FAM185A: variants seen among roughly 807,000 people sequenced by gnomAD.
FAM185A encodes family with sequence similarity 185 member A.
A neutral mutation model predicts 45.7 loss-of-function variants in FAM185A; 21 were observed. That is an observed-to-expected ratio of 0.46 (90% confidence interval 0.33 to 0.66). The LOEUF (loss-of-function observed/expected upper bound fraction) is 0.66, where lower values mean the gene tolerates loss of function less well. Among genes scored for constraint, FAM185A ranks in the 30% least tolerant of loss-of-function variants. FAM185A has a pLI of 0.03. For missense variants in FAM185A, 305 were observed against 485.4 expected (o/e 0.63, Z 3.49); for synonymous variants, 117 against 194.0 (o/e 0.60, Z 3.30).
intron 7 of FAM185A, among the ~76,000 whole-genome samples, chr7:102,796,452 G>A (rs1250793550): frequency 6.6e-6 from 1 of 152,230 alleles, no homozygotes; most frequent in Non-Finnish European, 1.5e-5. Flanking sequence ...GTCCCCAGGC[G>A]GGAATGGGGT....
chr7:102,791,570 G>A (rs1362475593), intron 7 of FAM185A, among the ~76,000 whole-genome samples: 3 of 152,222 alleles, frequency 2.0e-5, no homozygotes, highest in East Asian at 1.9e-4. Flanking sequence ...GGGCCAAATC[G>A]CAGAATGATG....
rs976821586 is a variant in FAM185A at position 102,808,581 on chromosome 7, G to A, written c.*179G>A. On this transcript the variant is annotated 3_prime_UTR_variant, in exon 8 of 8. Coordinates refer to ENST00000413034, the MANE Select transcript of FAM185A (RefSeq NM_001145268.2). ...TTTGCTATTGTATTCATTTTCTACT[G>A]CTCTGTAACAAATTACCACAAATTT... The A allele has an allele frequency of 5.1e-5, 29 of 569,762 alleles. No homozygotes were observed. The highest frequency in any genetic ancestry group is 4.6e-4 in the Middle Eastern group (1 of 2,166). The allele number at this position is 569,762 out of a possible 1,614,324, so 35.3% of individuals were successfully genotyped here. A position where few individuals can be genotyped will look rare whatever the true frequency, so the allele number is the denominator to read the frequency against.
intron 7 of FAM185A, among the ~76,000 whole-genome samples, chr7:102,789,962 G>T (rs1453897105): frequency 2.6e-5 from 4 of 152,062 alleles, no homozygotes; most frequent in Non-Finnish European, 5.9e-5. Flanking sequence ...TCCACATCTT[G>T]TCCCACTGAA....
At chr7:102,828,755 T>C in the FAM185A span, among the ~76,000 whole-genome samples, 2 of 152,228 alleles carry the variant, frequency 1.3e-5, no homozygotes, top group South Asian at 4.1e-4. Context: ...CATATTAGTA[T>C]AAGAGAAATT....
chr7:102,752,100 A>G (rs1793398619), intron 2 of FAM185A, among the ~76,000 whole-genome samples: 1 of 151,998 alleles, frequency 6.6e-6, no homozygotes, highest in South Asian at 2.1e-4. Flanking sequence ...GTTTCCACAA[A>G]TGATTTTCTT....
the FAM185A span, among the ~76,000 whole-genome samples, chr7:102,826,508 G>A: frequency 1.3e-5 from 2 of 151,422 alleles, no homozygotes; most frequent in African/African-American, 4.9e-5. Flanking sequence ...GGCTGAGGCA[G>A]GTGGATCACT....
intron 4 of FAM185A, among the ~76,000 whole-genome samples, chr7:102,765,751 A>G (rs1207410244): frequency 6.6e-6 from 1 of 151,924 alleles, no homozygotes; most frequent in Non-Finnish European, 1.5e-5. Flanking sequence ...TGGTTGAATC[A>G]CATCTGTTAA....
downstream of FAM185A, among the ~76,000 whole-genome samples, chr7:102,810,360 G>A (rs1403700119): frequency 6.6e-6 from 1 of 151,842 alleles, no homozygotes; most frequent in Non-Finnish European, 1.5e-5. Flanking sequence ...AGCCACCACA[G>A]TAGCTAGCAT....
At chr7:102,763,242 A>T (rs188174661) in intron 4 of FAM185A, among the ~76,000 whole-genome samples, 9 of 152,314 alleles carry the variant, frequency 5.9e-5, no homozygotes, top group Non-Finnish European at 4.4e-5. Context: ...AGTAGCTAAA[A>T]TGGAAATACA....
chr7:102,809,766 C>T (rs1472174171), downstream of FAM185A, among the ~76,000 whole-genome samples: 1 of 152,066 alleles, frequency 6.6e-6, no homozygotes, highest in African/African-American at 2.4e-5. Flanking sequence ...AAGACCAGAC[C>T]TATCTCTTGG....
chr7:102,825,901 A>G, the FAM185A span, among the ~76,000 whole-genome samples: 45 of 152,226 alleles, frequency 3.0e-4, no homozygotes, highest in Non-Finnish European at 5.9e-5. Flanking sequence ...TCCGAGCCTC[A>G]GTTTCCCCAT....
At chr7:102,756,124 T>A (rs1793711952) in intron 2 of FAM185A, among the ~76,000 whole-genome samples, 1 of 151,546 alleles carries the variant, frequency 6.6e-6, no homozygotes, top group Non-Finnish European at 1.5e-5. Flanking sequence ...AGTACAGATT[T>A]TTTTTCTCTA....
chr7:102,822,336 A>C, the FAM185A span: 1 of 868,412 alleles, frequency 1.2e-6, no homozygotes, highest in Non-Finnish European at 1.9e-6. Flanking sequence ...TATTTCTCAC[A>C]GTTCTAGAGG....
intron 7 of FAM185A, among the ~76,000 whole-genome samples, chr7:102,806,737 G>C (rs560426976): frequency 3.9e-5 from 6 of 152,278 alleles, no homozygotes; most frequent in African/African-American, 1.4e-4. Context: ...TAGAAGAATA[G>C]ATCTGAGAAA....
the FAM185A span, among the ~76,000 whole-genome samples, chr7:102,833,436 CT>C: frequency 0.03 from 3,969 of 134,540 alleles, 119 homozygotes; most frequent in East Asian, 0.15. Context: ...AGCCTGTTTC[CT>C]TTTTTTTTTT....
chr7:102,777,450 T>G lies in FAM185A; in HGVS notation c.931+102T>G, dbSNP rs1795136754. 3 of 727,954 alleles carry G rather than the reference T, an allele frequency of 4.1e-6. No homozygotes were observed. In the East Asian group the frequency reaches 9.5e-5, roughly 23 times the overall value. 45.1% of individuals were successfully genotyped at this position (727,954 alleles called of 1,614,324 possible). On this transcript the variant is annotated intron_variant, in intron 6 of 7. Transcript: ENST00000413034. Reference sequence around the variant, plus strand: ...AATTATCTATACTGACATAGTGATTTCAAGAAAATATCTTCTGATAGAACC... The same window carrying G: ...AATTATCTATACTGACATAGTGATTGCAAGAAAATATCTTCTGATAGAACC...
At chr7:102,786,741 A>C (rs1206761924) in intron 6 of FAM185A, among the ~76,000 whole-genome samples, 2 of 152,048 alleles carry the variant, frequency 1.3e-5, no homozygotes, top group African/African-American at 4.8e-5. Flanking sequence ...TGACAAGTTA[A>C]TGGGTGCAGC....
the FAM185A span, among the ~76,000 whole-genome samples, chr7:102,839,228 C>T: frequency 1.3e-5 from 2 of 152,214 alleles, no homozygotes; most frequent in African/African-American, 2.4e-5. Context: ...TTAATTGTGA[C>T]ACAGATTCCT....
At chr7:102,809,290 A>T (rs1393510047), downstream of FAM185A, 6 of 152,232 alleles carry the variant, frequency 3.9e-5, no homozygotes, top group Non-Finnish European at 7.3e-5. Context: ...AAAAAGAAAC[A>T]GCTATTTTAT....
Sources: gnomAD v4.1 joint callset for allele counts (sites outside exome capture counted in the v4.1 genomes callset) on GRCh38, gnomAD v4.1.1 for gene constraint, MANE v1.5 for transcripts, NCBI Gene and HGNC (gene_info 2026-07-23, HGNC 2026-07-21) for gene names.